Variants in SPATA6 observed in about 807,000 individuals in gnomAD.
SPATA6 encodes spermatogenesis associated 6, also known as spermatogenesis-associated protein 6.
In SPATA6, 56 loss-of-function variants were observed where a neutral mutation model predicts 65.3. That is an observed-to-expected ratio of 0.86 (90% CI 0.69 to 1.07). The LOEUF (loss-of-function observed/expected upper bound fraction) is 1.07, where lower values mean the gene tolerates loss of function less well. Among genes scored for constraint, SPATA6 ranks in the 50% least tolerant of loss-of-function variants. The probability of loss-of-function intolerance (pLI) is 0.00; values close to 1 mark genes in which losing one functional copy is unlikely to be tolerated. For missense variants in SPATA6, 590 were observed against 594.8 expected, an observed-to-expected ratio of 0.99 and a Z score of 0.08; for synonymous variants, 199 against 213.2, an observed-to-expected ratio of 0.93 and a Z score of 0.58.
At chr1:48,289,022 G>A in the SPATA6 span, among the ~76,000 whole-genome samples, 1 of 152,238 alleles carries the variant, frequency 6.6e-6, no homozygotes, top group South Asian at 2.1e-4. Flanking sequence ...CAGAGTTTGA[G>A]ATCTGAGAAC....
At chr1:48,301,552 A>C (rs1293611373) in intron 12 of SPATA6, among the ~76,000 whole-genome samples, 6 of 152,040 alleles carry the variant, frequency 3.9e-5, no homozygotes, top group South Asian at 2.1e-4. Flanking sequence ...CACACAAAAA[A>C]AAAAACTAGA....
At chr1:48,382,147 T>G (rs1367945974) in intron 9 of SPATA6, among the ~76,000 whole-genome samples, 1 of 105,038 alleles carries the variant, frequency 9.5e-6, no homozygotes, top group Non-Finnish European at 1.9e-5. Context: ...CTCAATTTTT[T>G]CCCCACCCTT....
At chr1:48,309,235 C>A (rs932793931) in intron 11 of SPATA6, among the ~76,000 whole-genome samples, 2 of 152,048 alleles carry the variant, frequency 1.3e-5, no homozygotes, top group Admixed American at 1.3e-4. Flanking sequence ...ATTCTTATTA[C>A]AGTATGTTGG....
chr1:48,330,658 A>T (rs1448471894), intron 11 of SPATA6, among the ~76,000 whole-genome samples: 4 of 152,206 alleles, frequency 2.6e-5, no homozygotes, highest in Admixed American at 6.5e-5. Context: ...CGTTTGCCTG[A>T]ATGTGTTGAG....
At chr1:48,464,902 T>TA (rs1657703436) in intron 1 of SPATA6, among the ~76,000 whole-genome samples, 1 of 151,992 alleles carries the variant, frequency 6.6e-6, no homozygotes. Context: ...AAACTTAATT[T>TA]AAAAAATCAA....
At chr1:48,454,843 T>G (rs1656879574) in intron 1 of SPATA6, among the ~76,000 whole-genome samples, 1 of 152,212 alleles carries the variant, frequency 6.6e-6, no homozygotes, top group East Asian at 1.9e-4. Context: ...TTCAAAGTGC[T>G]TACAGCAGTG....
At chr1:48,340,544 A>T (rs1275090855) in intron 11 of SPATA6, among the ~76,000 whole-genome samples, 2 of 151,728 alleles carry the variant, frequency 1.3e-5, no homozygotes, top group African/African-American at 2.4e-5. Context: ...TAAAGAATAC[A>T]TGTTTTGTAC....
chr1:48,376,556 T>A (rs942925337), intron 9 of SPATA6, among the ~76,000 whole-genome samples: 9 of 152,158 alleles, frequency 5.9e-5, no homozygotes, highest in Non-Finnish European at 1.3e-4. Context: ...AGAGGTATTT[T>A]TACTGGGATC....
intron 11 of SPATA6, among the ~76,000 whole-genome samples, chr1:48,346,458 T>C (rs935392310): frequency 1.3e-5 from 2 of 151,920 alleles, no homozygotes; most frequent in African/African-American, 2.4e-5. Context: ...CAACATAGGA[T>C]TGGAAATCCT....
the SPATA6 span, among the ~76,000 whole-genome samples, chr1:48,265,182 C>T: frequency 1.3e-5 from 2 of 152,090 alleles, no homozygotes; most frequent in Non-Finnish European, 2.9e-5. Flanking sequence ...TTATATTGTA[C>T]ATATCCATAA....
chr1:48,270,847 A>G, the SPATA6 span, among the ~76,000 whole-genome samples: 787 of 152,214 alleles, frequency 5.2e-3, 20 homozygotes, highest in South Asian at 0.05. Flanking sequence ...ACATACCAAG[A>G]TTTAAGATAT....
chr1:48,261,615 G>A, the SPATA6 span, among the ~76,000 whole-genome samples: 9 of 151,970 alleles, frequency 5.9e-5, no homozygotes, highest in East Asian at 1.9e-4. Context: ...AAAACCACTC[G>A]CGTGAGTCAG....
rs181889021 is a variant in SPATA6 at position 48,455,615 on chromosome 1, T to C, written c.52-2484A>G. Among the ~76,000 whole-genome samples, 25 of 152,234 alleles carry C rather than the reference T, an allele frequency of 1.6e-4. No homozygotes were observed. The East Asian group carries it at 4.6e-3, about 28-fold the overall frequency. The stretch of plus-strand genomic sequence containing the variant: ...CAGGACGGTCTCAATCTCCTGACCT[T>C]GTGATCTGCCCATGTCGGCCTCCCA... On this transcript the variant is annotated intron_variant, in intron 1 of 12. Coordinates refer to ENST00000371847, the MANE Select transcript of SPATA6 (RefSeq NM_019073.4).
the SPATA6 span, among the ~76,000 whole-genome samples, chr1:48,278,081 T>C: frequency 6.6e-6 from 1 of 152,082 alleles, no homozygotes; most frequent in South Asian, 2.1e-4. Flanking sequence ...GCGTCTGGAG[T>C]GGACCTCTAG....
chr1:48,396,113 C>T (rs1650563120), intron 7 of SPATA6, among the ~76,000 whole-genome samples: 1 of 151,700 alleles, frequency 6.6e-6, no homozygotes, highest in Admixed American at 6.6e-5. Flanking sequence ...AAAAATTCAA[C>T]AACCCTAATC....
intron 1 of SPATA6, among the ~76,000 whole-genome samples, chr1:48,459,773 T>C (rs1391724840): frequency 6.6e-6 from 1 of 152,088 alleles, no homozygotes; most frequent in Non-Finnish European, 1.5e-5. Context: ...GCAGAGTATA[T>C]TCTCTAACCA....
intron 11 of SPATA6, among the ~76,000 whole-genome samples, chr1:48,313,840 A>T (rs1316040061): frequency 6.6e-6 from 1 of 152,158 alleles, no homozygotes; most frequent in Non-Finnish European, 1.5e-5. Context: ...AAATAAAGGG[A>T]TGGAGGAAGA....
At chr1:48,469,472 T>TTATATATA (rs59371419) in intron 1 of SPATA6, among the ~76,000 whole-genome samples, 9 of 144,444 alleles carry the variant, frequency 6.2e-5, no homozygotes, top group African/African-American at 1.8e-4. Context: ...AAATATCTAT[T>TTATATATA]TATATATATA....
rs1023642386 is a variant in SPATA6, at chr1:48,297,174, C to T, written c.*1539G>A. On this transcript the variant is annotated 3_prime_UTR_variant, in exon 13 of 13. Coordinates refer to ENST00000371847, the MANE Select transcript of SPATA6 (RefSeq NM_019073.4). ...TGTGTGTGTGTGTGTATGTGTGTAG[C>T]AAACAGATTTTCCTAAACTTAGATG... 7.6e-6 allele frequency: 1 copy of T among 132,094 alleles called. No individual in the cohort carries two copies. The highest frequency in any genetic ancestry group is 1.6e-5 in the Non-Finnish European group (1 of 60,636). 8.2% of individuals were successfully genotyped at this position (132,094 alleles called of 1,614,324 possible). A position where few individuals can be genotyped will look rare whatever the true frequency, so the allele number is the denominator to read the frequency against.
Sources: allele counts gnomAD v4.1 joint callset (sites outside exome capture counted in the v4.1 genomes callset), GRCh38; gene constraint gnomAD v4.1.1; transcripts MANE v1.5; gene names NCBI Gene and HGNC (gene_info 2026-07-23, HGNC 2026-07-21).